Variants in SIPA1L2 observed in about 807,000 individuals in gnomAD.
SIPA1L2 encodes signal induced proliferation associated 1 like 2.
In SIPA1L2, 56 loss-of-function variants were observed where a neutral mutation model predicts 163.9. That is an observed-to-expected ratio of 0.34 (90% CI 0.28 to 0.43). The LOEUF is 0.43. Ranked by LOEUF, SIPA1L2 falls within the 20% of genes least tolerant of loss-of-function variation. The pLI, the probability that SIPA1L2 is intolerant of heterozygous loss-of-function variation, is 1.00. For synonymous variants in SIPA1L2, 877 were observed against 865.7 expected (o/e 1.01, Z -0.23); for missense variants, 1,974 against 2,193.5 (o/e 0.90, Z 2.00).
intron 3 of SIPA1L2, among the ~76,000 whole-genome samples, chr1:232,510,232 A>ATG (rs1491560320): frequency 5.9e-5 from 1 of 16,948 alleles, no homozygotes; most frequent in Non-Finnish European, 3.5e-4. Flanking sequence ...CAATATGAAA[A>ATG]TATATATATA....
At chr1:232,475,485 G>T (rs534018561) in intron 7 of SIPA1L2, among the ~76,000 whole-genome samples, 1 of 152,174 alleles carries the variant, frequency 6.6e-6, no homozygotes, top group Non-Finnish European at 1.5e-5. Flanking sequence ...TTTAAGAGGC[G>T]TATAGAGTTT....
chr1:232,553,389 C>T (rs527536990), intron 2 of SIPA1L2, among the ~76,000 whole-genome samples: 1 of 152,048 alleles, frequency 6.6e-6, no homozygotes, highest in Non-Finnish European at 1.5e-5. Context: ...GACGGGGGGG[C>T]GTAGTGGGCC....
chr1:232,579,931 A>T (rs1243291815), intron 1 of SIPA1L2, among the ~76,000 whole-genome samples: 1 of 152,164 alleles, frequency 6.6e-6, no homozygotes, highest in Non-Finnish European at 1.5e-5. Flanking sequence ...ACCCCAGGAG[A>T]GGGTTCTTGG....
rs1173085891 is a variant in SIPA1L2, at chr1:232,564,280, GTA to G, written c.-270+9892_-270+9893del. Among the ~76,000 whole-genome samples, 594 of 81,092 alleles carry G rather than the reference GTA, an allele frequency of 7.3e-3. 61 individuals carry two copies. Among genetic ancestry groups the G allele is most frequent in the African/African-American group, 0.035 (533 of 15,082 alleles). 53.2% of individuals were successfully genotyped at this position (81,092 alleles called of 152,430 possible). A position where few individuals can be genotyped will look rare whatever the true frequency, so the allele number is the denominator to read the frequency against. On this transcript the variant is annotated intron_variant, in intron 2 of 22. Coordinates refer to ENST00000674635, the MANE Select transcript of SIPA1L2 (RefSeq NM_020808.5). ...TGTGTGTGTGTGTGTGTGTGTGTGT[GTA>G]TGATGGAGTTTTGCTCTTGTTGCCC...
At chr1:232,467,451 A>T (rs2102936767) in intron 8 of SIPA1L2, among the ~76,000 whole-genome samples, 1 of 152,174 alleles carries the variant, frequency 6.6e-6, no homozygotes, top group African/African-American at 2.4e-5. Flanking sequence ...GCCATTCTAG[A>T]CTGGGAATTA....
intron 1 of SIPA1L2, among the ~76,000 whole-genome samples, chr1:232,609,119 T>G (rs926032795): frequency 6.6e-6 from 1 of 152,226 alleles, no homozygotes; most frequent in East Asian, 1.9e-4. Context: ...GTTTGGATGT[T>G]GTTGAACTTG....
chr1:232,543,042 C>T (rs1020192190), intron 2 of SIPA1L2, among the ~76,000 whole-genome samples: 7 of 152,120 alleles, frequency 4.6e-5, no homozygotes, highest in Admixed American at 1.3e-4. Flanking sequence ...TAAATTTGTG[C>T]GCCTTCATGA....
intron 2 of SIPA1L2, among the ~76,000 whole-genome samples, chr1:232,552,732 T>G (rs34338811): frequency 6.6e-6 from 1 of 152,088 alleles, no homozygotes; most frequent in East Asian, 1.9e-4. Context: ...AAATATAGTA[T>G]AAGAGAAAGA....
chr1:232,509,132 G>A (rs1666868272), intron 3 of SIPA1L2, among the ~76,000 whole-genome samples: 2 of 152,184 alleles, frequency 1.3e-5, no homozygotes, highest in African/African-American at 2.4e-5. Flanking sequence ...GCTACAGATG[G>A]ATTTGCCTGG....
chr1:232,488,774 T>C (rs1187625035), intron 5 of SIPA1L2, among the ~76,000 whole-genome samples: 1 of 152,226 alleles, frequency 6.6e-6, no homozygotes, highest in African/African-American at 2.4e-5. Context: ...GGATAGCTTC[T>C]AGATCTATCT....
intron 3 of SIPA1L2, among the ~76,000 whole-genome samples, chr1:232,508,219 C>T (rs1481819093): frequency 6.6e-6 from 1 of 152,178 alleles, no homozygotes; most frequent in Non-Finnish European, 1.5e-5. Flanking sequence ...ACTCCTGAGT[C>T]ACCACGGAGG....
chr1:232,607,395 T>C (rs1009877998), intron 1 of SIPA1L2, among the ~76,000 whole-genome samples: 4 of 152,208 alleles, frequency 2.6e-5, no homozygotes, highest in African/African-American at 9.6e-5. Flanking sequence ...TAATTGAATA[T>C]CTTACTATCA....
intron 1 of SIPA1L2, among the ~76,000 whole-genome samples, chr1:232,624,642 T>C (rs1238990633): frequency 1.3e-5 from 2 of 152,242 alleles, no homozygotes; most frequent in Non-Finnish European, 2.9e-5. Flanking sequence ...GATAGCTTAC[T>C]TCGGACTGTT....
intron 1 of SIPA1L2, among the ~76,000 whole-genome samples, chr1:232,579,908 G>T (rs1660284062): frequency 6.6e-6 from 1 of 152,212 alleles, no homozygotes; most frequent in African/African-American, 2.4e-5. Flanking sequence ...ACTGAAAAGG[G>T]ATCCCGATCC....
intron 3 of SIPA1L2, among the ~76,000 whole-genome samples, chr1:232,500,015 T>C (rs1666385931): frequency 6.6e-6 from 1 of 152,192 alleles, no homozygotes; most frequent in Non-Finnish European, 1.5e-5. Context: ...TCTCGCTCTG[T>C]TGCCCAGGCT....
rs763702264 is a variant in SIPA1L2 at position 232,425,792 on chromosome 1, T to C, written c.4427A>G (p.Asn1476Ser). Residue 1476 changes from asparagine to serine, a missense_variant, in exon 18 of 23, where the codon AAC (asparagine) becomes AGC (serine). Physicochemically the swap from Asn to Ser is conservative, Grantham distance 46. This residue lies in a region of SIPA1L2 where 1,079 missense variants were observed against 1,150.7 expected (regional missense o/e 0.94). Coordinates refer to ENST00000674635, the MANE Select transcript of SIPA1L2 (RefSeq NM_020808.5). ...EGRRKFSFYGNLSPRRSLYRT... is the reference protein window; with the variant it reads ...EGRRKFSFYGSLSPRRSLYRT... ...GTAAAGCGACCTCCTTGGAGACAGG[T>C]TCCCATAGAACGAAAACTAGGGTTT... is the stretch of plus-strand genomic sequence containing the variant. The C allele has an allele frequency of 6.2e-7, 1 of 1,613,700 alleles. No homozygotes were observed.
chr1:232,449,955 T>C (rs1448292893), intron 10 of SIPA1L2, among the ~76,000 whole-genome samples: 2 of 152,200 alleles, frequency 1.3e-5, no homozygotes, highest in African/African-American at 2.4e-5. Flanking sequence ...ACTTGGAGCT[T>C]GGGACAGAGA....
Position 232,404,178 on chromosome 1 carries a change from C to A in SIPA1L2, c.4763G>T (p.Gly1588Val), listed in dbSNP as rs964795810. 1.2e-6 allele frequency: 2 copies of A among 1,613,938 alleles called. No individual in the cohort carries two copies. The highest frequency in any genetic ancestry group is 3.3e-5 in the Admixed American group (2 of 59,998). Residue 1588 changes from glycine to valine, a missense_variant and splice_region_variant, in exon 20 of 23, where the codon GGT (glycine) becomes GTT (valine). Gly to Val is a moderately radical substitution (Grantham distance 109). Coordinates refer to ENST00000674635, the MANE Select transcript of SIPA1L2 (RefSeq NM_020808.5). Reference sequence around the variant, plus strand: ...CCCCAGTTCTTCATCTGAGTCAAGACCTGAAATAAGATTTAGAATTTTCCT... The same window carrying A: ...CCCCAGTTCTTCATCTGAGTCAAGAACTGAAATAAGATTTAGAATTTTCCT... Reference protein sequence around the residue: ...HLVDAARAFEGLDSDEELGLL... With the variant: ...HLVDAARAFEVLDSDEELGLL...
At position 232,492,890 on chromosome 1, in the gene SIPA1L2, G is replaced by A. The variant is rs573158470; in HGVS notation, c.1617+637C>T. Among the ~76,000 whole-genome samples the A allele has an allele frequency of 3.9e-5, 6 of 152,288 alleles. No homozygotes were observed. The South Asian group carries it at 6.2e-4, about 16-fold the overall frequency. On this transcript the variant is annotated intron_variant, in intron 4 of 22. Transcript: ENST00000674635. ...ATGCTGGAGTGAGTTAAGACTAGGG[G>A]ACTGCTGAGAAGGAATAATTGTTGC... is the stretch of plus-strand genomic sequence containing the variant.
Sources: gnomAD v4.1 joint callset for allele counts (sites outside exome capture counted in the v4.1 genomes callset) on GRCh38, gnomAD v4.1.1 for gene constraint, gnomAD v4.1.1 regional missense constraint, MANE v1.5 for transcripts, NCBI Gene and HGNC (gene_info 2026-07-23, HGNC 2026-07-21) for gene names.